Variants in TLN1 observed in about 807,000 individuals in gnomAD.
TLN1 encodes the protein talin 1, also known as talin-1.
TLN1 carries 56 observed loss-of-function variants against 292.3 expected under a neutral mutation model. The ratio of observed to expected loss-of-function variants is 0.19; its 90% CI spans 0.15 to 0.24. The LOEUF (loss-of-function observed/expected upper bound fraction) is 0.24. Ranked by LOEUF, TLN1 falls within the 10% of genes least tolerant of loss-of-function variation. The pLI is 1.00. For missense variants in TLN1, 2,433 were observed against 3,248.2 expected, an observed-to-expected ratio of 0.75 and a Z score of 6.10; for synonymous variants, 1,119 against 1,253.7, an observed-to-expected ratio of 0.89 and a Z score of 2.27.
At chr9:35,718,648 C>T (rs923795213) in intron 17 of TLN1, among the ~76,000 whole-genome samples, 164 bp downstream of exon 17, 4 of 152,120 alleles carry the variant, frequency 2.6e-5, no homozygotes. Context: ...TGAATTCTAA[C>T]CCCTAAAAGA....
chr9:35,720,918 G>T lies in TLN1; in HGVS notation c.1105-5C>A, dbSNP rs143725891. 1.2e-6 allele frequency: 2 copies of T among 1,607,802 alleles called. No individual in the cohort carries two copies. The highest frequency in any genetic ancestry group is 1.1e-5 in the South Asian group (1 of 90,944). The stretch of plus-strand genomic sequence containing the variant: ...ATCTTGGTAATCTCCAAAATCCTAG[G>T]GTGACAAGTGGGGGACTCAGAGGGA... On this transcript the variant is annotated splice_polypyrimidine_tract_variant and splice_region_variant and intron_variant, in intron 10 of 56. Transcript: ENST00000314888.
At position 35,698,568 on chromosome 9, in the gene TLN1, T is replaced by C. The variant is rs1360825706; in HGVS notation, c.7188+49A>G. On this transcript the variant is annotated intron_variant, in intron 54 of 56. Transcript: ENST00000314888. This position sits in a 1 kb window ranked among gnomAD's most constrained non-coding sequence, Gnocchi z 5.3. Reference sequence around the variant, plus strand: ...GCCCTGGTCCATCCCCACTCCAGCCTTCTCAAGTCTCTCAAACTGAGAGAG... The same window carrying C: ...GCCCTGGTCCATCCCCACTCCAGCCCTCTCAAGTCTCTCAAACTGAGAGAG... 3 of 1,613,900 alleles carry C rather than the reference T, an allele frequency of 1.9e-6. No individual in the cohort carries two copies. Among genetic ancestry groups the C allele is most frequent in the Non-Finnish European group, 2.5e-6 (3 of 1,180,022 alleles).
chr9:35,721,016 G>A (rs1294382325), intron 10 of TLN1, 103 bp from the exon 11 acceptor site: 10 of 793,632 alleles, frequency 1.3e-5, no homozygotes, highest in Admixed American at 2.3e-5. Flanking sequence ...ATGCCTTCCC[G>A]TGGCAACGGC....
intron 1 of TLN1, among the ~76,000 whole-genome samples, chr9:35,729,204 T>C (rs1826028420): frequency 6.6e-6 from 1 of 152,200 alleles, no homozygotes; most frequent in Admixed American, 6.5e-5. Context: ...AAATAATAAG[T>C]TGTGAAGCCA....
chr9:35,723,747 C>T, intron 7 of TLN1: 1 of 673,116 alleles, frequency 1.5e-6, no homozygotes, highest in Non-Finnish European at 2.4e-6. Flanking sequence ...GGGGTAGGGG[C>T]AGAGATACTG....
In TLN1 at chr9:35,708,207, C is replaced by T. The variant is rs1420604457; in HGVS notation, c.4470+134G>A. 3.5e-6 allele frequency: 4 copies of T among 1,155,840 alleles called. No individual in the cohort carries two copies. In the African/African-American group the frequency reaches 4.7e-5, roughly 13 times the overall value. The allele number at this position is 1,155,840 out of a possible 1,614,324, so 71.6% of individuals were successfully genotyped here. Reference sequence around the variant, plus strand: ...ACCCATGGCAGAAAAAGACAGTTACCCAAAAAGAAGCTGTGTGTGCAAGGT... The same window carrying T: ...ACCCATGGCAGAAAAAGACAGTTACTCAAAAAGAAGCTGTGTGTGCAAGGT... On this transcript the variant is annotated intron_variant, in intron 34 of 56. Coordinates refer to ENST00000314888, the MANE Select transcript of TLN1 (RefSeq NM_006289.4).
rs1203679759 is a variant in TLN1 at position 35,704,916 on chromosome 9, T to C, written c.5734-101A>G. The C allele has an allele frequency of 2.2e-6, 3 of 1,345,654 alleles. No homozygotes were observed. Among genetic ancestry groups the C allele is most frequent in the South Asian group, 1.4e-5 (1 of 72,204 alleles). 83.4% of individuals were successfully genotyped at this position (1,345,654 alleles called of 1,614,324 possible). On this transcript the variant is annotated intron_variant, in intron 43 of 56. Coordinates refer to ENST00000314888, the MANE Select transcript of TLN1 (RefSeq NM_006289.4). The surrounding 1 kb of genome is among the most constrained non-coding windows in gnomAD (Gnocchi z 6.9). ...TAAGGACATAGAAAAAAACATGCAT[T>C]GTAGACTAAAGAAGCAGAGAGAGAA...
In TLN1 at chr9:35,698,024, G is replaced by C. The variant is rs1238951047; in HGVS notation, c.7500+20C>G. ...ACTGCCCTCCTGACAGCGTCCCTCA[G>C]CATCTGGGGTGAAGCTCACCTGGGC... On this transcript the variant is annotated intron_variant, in intron 56 of 56. Coordinates refer to ENST00000314888, the MANE Select transcript of TLN1 (RefSeq NM_006289.4). This position sits in a 1 kb window ranked among gnomAD's most constrained non-coding sequence, Gnocchi z 5.3. The C allele has an allele frequency of 6.2e-7, 1 of 1,614,018 alleles. No individual in the cohort carries two copies. The highest frequency in any genetic ancestry group is 1.3e-5 in the African/African-American group (1 of 74,924).
At position 35,707,538 on chromosome 9, in the gene TLN1, T is replaced by C. The variant is rs1369157220; in HGVS notation, c.4633-50A>G. 3 of 1,600,622 alleles carry C rather than the reference T, an allele frequency of 1.9e-6. No homozygotes were observed. Among genetic ancestry groups the C allele is most frequent in the Non-Finnish European group, 2.6e-6 (3 of 1,171,344 alleles). ...GGACTTGGGATGCAGTCATAGGGGG[T>C]ATAGGAAGTGAAGTCCAGGTCTCCT... On this transcript the variant is annotated intron_variant, in intron 35 of 56. Coordinates refer to ENST00000314888, the MANE Select transcript of TLN1 (RefSeq NM_006289.4). This position sits in a 1 kb window ranked among gnomAD's most constrained non-coding sequence, Gnocchi z 5.6.
chr9:35,702,948 G>A (rs1436107568), intron 48 of TLN1, among the ~76,000 whole-genome samples: 1 of 152,166 alleles, frequency 6.6e-6, no homozygotes, highest in East Asian at 1.9e-4. Flanking sequence ...AAAGTGGGAG[G>A]GTGGTGAAAA....
In TLN1 at chr9:35,714,214, C is replaced by T. The variant is rs533990987; in HGVS notation, c.3120+25G>A. 1.3e-6 allele frequency: 2 copies of T among 1,598,584 alleles called. No individual in the cohort carries two copies. Among genetic ancestry groups the T allele is most frequent in the Non-Finnish European group, 1.7e-6 (2 of 1,169,108 alleles). On this transcript the variant is annotated intron_variant, in intron 24 of 56. Coordinates refer to ENST00000314888, the MANE Select transcript of TLN1 (RefSeq NM_006289.4). The surrounding 1 kb of genome is among the most constrained non-coding windows in gnomAD (Gnocchi z 4.6). Reference sequence around the variant, plus strand: ...CATCACAGGACTCCAGCCTCATCTTCCAAAGCCAGAACCAGCTTCCATACC... The same window carrying T: ...CATCACAGGACTCCAGCCTCATCTTTCAAAGCCAGAACCAGCTTCCATACC...
chr9:35,714,724 C>T lies in TLN1; in HGVS notation c.2871+36G>A, dbSNP rs1175020949. On this transcript the variant is annotated intron_variant, in intron 22 of 56. Transcript: ENST00000314888. The surrounding 1 kb of genome is among the most constrained non-coding windows in gnomAD (Gnocchi z 4.6). ...AATGTCATAAGAGACCCACAAGTCT[C>T]CCTCTTCCACTCCCACATCCTTCCT... is the stretch of plus-strand genomic sequence containing the variant. 4 of 1,611,752 alleles carry T rather than the reference C, an allele frequency of 2.5e-6. No homozygotes were observed. In the South Asian group the frequency reaches 4.4e-5, roughly 18 times the overall value.
In TLN1 at chr9:35,704,234, C is replaced by G; in HGVS notation, c.6048-60G>C. 6.4e-7 allele frequency: 1 copy of G among 1,570,562 alleles called. No homozygotes were observed. Among genetic ancestry groups the G allele is most frequent in the African/African-American group, 1.3e-5 (1 of 74,212 alleles). On this transcript the variant is annotated intron_variant, in intron 45 of 56. Coordinates refer to ENST00000314888, the MANE Select transcript of TLN1 (RefSeq NM_006289.4). This position sits in a 1 kb window ranked among gnomAD's most constrained non-coding sequence, Gnocchi z 6.9. The stretch of plus-strand genomic sequence containing the variant: ...ACCCGCTCCAGCCCGTCCAAGGTGC[C>G]TGGTCCAGGTCTTCCCCATTCCAGC...
At chr9:35,703,933 G>C in intron 46 of TLN1, 33 bp from the exon 47 acceptor site, 1 of 1,613,844 alleles carries the variant, frequency 6.2e-7, no homozygotes, top group Non-Finnish European at 8.5e-7. Flanking sequence ...TGGTCTATGG[G>C]AGGAAGAAGC....
chr9:35,708,297 G>A (rs1290511561), intron 34 of TLN1, 44 bp downstream of exon 34: 2 of 1,551,948 alleles, frequency 1.3e-6, no homozygotes, highest in South Asian at 1.2e-5. Flanking sequence ...GGGTCGGTCT[G>A]CCCTTTCCCA....
Position 35,717,711 on chromosome 9 carries a change from G to C in TLN1, c.2071C>G (p.Gln691Glu). 6.2e-7 allele frequency: 1 copy of C among 1,614,000 alleles called. No homozygotes were observed. Among genetic ancestry groups the C allele is most frequent in the Non-Finnish European group, 8.5e-7 (1 of 1,179,934 alleles). ...ALVLKAKSVA[Q>E]RTEDSGLQTQ... is the part of the protein sequence containing the mutation. ...TGAAGTCCCGAGTCCTCTGTCCGCT[G>C]GGCCACACTCTTGGCCTTGAGGACC... Residue 691 changes from glutamine to glutamate, a missense_variant, in exon 18 of 57, where the codon CAG becomes GAG. By Grantham distance (29) the Gln-to-Glu change is conservative (BLOSUM62 2). Around this residue, in one of 7 missense-constraint regions of TLN1, gnomAD observed 617 missense variants for 770.6 expected, o/e 0.80. Coordinates refer to ENST00000314888, the MANE Select transcript of TLN1 (RefSeq NM_006289.4). This position sits in a 1 kb window ranked among gnomAD's most constrained non-coding sequence, Gnocchi z 4.7.
intron 48 of TLN1, among the ~76,000 whole-genome samples, chr9:35,702,520 T>C (rs1298533498): frequency 6.6e-6 from 1 of 151,004 alleles, no homozygotes; most frequent in Non-Finnish European, 1.5e-5. Context: ...TGAGATGGAG[T>C]CTCACTCTGT....
intron 1 of TLN1, 44 bp from the exon 2 acceptor site, chr9:35,725,771 G>C: frequency 6.5e-7 from 1 of 1,549,250 alleles, no homozygotes; most frequent in Non-Finnish European, 8.8e-7. Flanking sequence ...CTTCTGGTGG[G>C]AGAAGAGGCC....
Position 35,717,563 on chromosome 9 carries a change from C to T in TLN1, c.2163+56G>A. ...CCAAAGAAATAAAATGAAAGGCTCA[C>T]GTGTGTGTGGTAGTATTACCCCTCA... On this transcript the variant is annotated intron_variant, in intron 18 of 56. Coordinates refer to ENST00000314888, the MANE Select transcript of TLN1 (RefSeq NM_006289.4). The surrounding 1 kb of genome is among the most constrained non-coding windows in gnomAD (Gnocchi z 4.7). 3 of 1,585,560 alleles carry T rather than the reference C, an allele frequency of 1.9e-6. No individual in the cohort carries two copies. Among genetic ancestry groups the T allele is most frequent in the Non-Finnish European group, 2.6e-6 (3 of 1,160,252 alleles).
Sources: gnomAD v4.1 joint callset for allele counts (sites outside exome capture counted in the v4.1 genomes callset) on GRCh38, gnomAD v4.1.1 for gene constraint, gnomAD v4.1.1 regional missense constraint, Gnocchi (gnomAD v3.1) non-coding constraint, MANE v1.5 for transcripts, NCBI Gene and HGNC (gene_info 2026-07-23, HGNC 2026-07-21) for gene names.